Variants in CCBE1 observed in about 807,000 individuals in gnomAD.
CCBE1 encodes the protein collagen and calcium-binding EGF domain-containing protein 1.
A neutral mutation model predicts 50.0 loss-of-function variants in CCBE1; 37 were observed. The observed-to-expected ratio is 0.74, with a 90% CI of 0.57 to 0.97. CCBE1 has a LOEUF of 0.97. Ranked by LOEUF, CCBE1 falls within the 50% of genes least tolerant of loss-of-function variation. The pLI is 0.00. For missense variants in CCBE1, 538 were observed against 523.8 expected (o/e 1.03, Z -0.26); for synonymous variants, 234 against 203.7 (o/e 1.15, Z -1.27).
At chr18:59,680,423 A>C (rs1326952719) in intron 2 of CCBE1, among the ~76,000 whole-genome samples, 1 of 151,804 alleles carries the variant, frequency 6.6e-6, no homozygotes, top group Non-Finnish European at 1.5e-5. Context: ...CCTAAAGGCC[A>C]GGCGCGGTGG....
At chr18:59,469,451 A>G in intron 4 of CCBE1, 22 bp downstream of exon 4, 2 of 1,614,146 alleles carry the variant, frequency 1.2e-6, no homozygotes, top group South Asian at 1.1e-5. Context: ...AGAAGCTGGA[A>G]ACAAGCACAT....
chr18:59,687,219 C>A (rs1209843399), intron 2 of CCBE1, among the ~76,000 whole-genome samples: 1 of 152,160 alleles, frequency 6.6e-6, no homozygotes, highest in Non-Finnish European at 1.5e-5. Flanking sequence ...AGATGCCCTC[C>A]AATCTTCGAG....
chr18:59,481,013 G>T (rs1912545455), intron 2 of CCBE1, among the ~76,000 whole-genome samples: 1 of 152,100 alleles, frequency 6.6e-6, no homozygotes, highest in Admixed American at 6.5e-5. Context: ...AATCAATGCT[G>T]CAATCTCCAA....
chr18:59,523,743 A>G (rs1188760981), intron 2 of CCBE1, among the ~76,000 whole-genome samples: 21 of 152,304 alleles, frequency 1.4e-4, no homozygotes, highest in Admixed American at 1.3e-3. Flanking sequence ...AAGCTAAAAG[A>G]AGTGAAGCAT....
chr18:59,677,499 C>T (rs547819159), intron 2 of CCBE1, among the ~76,000 whole-genome samples: 3 of 152,110 alleles, frequency 2.0e-5, no homozygotes, highest in African/African-American at 7.2e-5. Context: ...TCAAAAGATA[C>T]ATTTCCCAAG....
chr18:59,451,433 TAAAAAAAAAAA>T (rs34421089), intron 6 of CCBE1, among the ~76,000 whole-genome samples: 1 of 99,368 alleles, frequency 1.0e-5, no homozygotes, highest in African/African-American at 4.1e-5. Flanking sequence ...ACAAGCAACT[TAAAAAAAAAAA>T]AAAAAAAAAA....
intron 2 of CCBE1, among the ~76,000 whole-genome samples, chr18:59,550,773 A>T (rs1370583421): frequency 6.6e-6 from 1 of 152,152 alleles, no homozygotes; most frequent in Non-Finnish European, 1.5e-5. Flanking sequence ...TCACGCCTGT[A>T]ATCCCAGCAC....
At chr18:59,476,449 G>A (rs911744998) in intron 3 of CCBE1, among the ~76,000 whole-genome samples, 3 of 152,134 alleles carry the variant, frequency 2.0e-5, no homozygotes, top group African/African-American at 7.2e-5. Flanking sequence ...CTTCTAGCAG[G>A]GGTCAGCAAA....
intron 2 of CCBE1, among the ~76,000 whole-genome samples, chr18:59,647,537 T>C (rs1434920640): frequency 6.6e-6 from 1 of 152,240 alleles, no homozygotes; most frequent in Non-Finnish European, 1.5e-5. Flanking sequence ...CTGCAAGGCT[T>C]ATTCCTAACA....
At chr18:59,540,751 A>C (rs1207560200) in intron 2 of CCBE1, among the ~76,000 whole-genome samples, 1 of 152,170 alleles carries the variant, frequency 6.6e-6, no homozygotes, top group Non-Finnish European at 1.5e-5. Flanking sequence ...TTTCCATATC[A>C]TTTACCTCCT....
Position 59,636,075 on chromosome 18 carries a change from C to T in CCBE1, c.212+60554G>A, listed in dbSNP as rs554008217. ...GGCTGAGGGAGGAGAATCGTTTGAG[C>T]CCAGGAGGTTGAGGCTTCAGTGAGC... is the stretch of plus-strand genomic sequence containing the variant. On this transcript the variant is annotated intron_variant, in intron 2 of 10. Transcript: ENST00000439986. Among the ~76,000 whole-genome samples, 6 of 152,150 alleles carry T rather than the reference C, an allele frequency of 3.9e-5. No homozygotes were observed. The East Asian group carries it at 7.7e-4, about 20-fold the overall frequency.
intron 6 of CCBE1, among the ~76,000 whole-genome samples, chr18:59,448,976 G>T (rs1323316978): frequency 6.6e-6 from 1 of 152,176 alleles, no homozygotes; most frequent in African/African-American, 2.4e-5. Flanking sequence ...GGAAAGGAGT[G>T]AACCTCTTCC....
intron 2 of CCBE1, among the ~76,000 whole-genome samples, chr18:59,587,148 T>C (rs1286359045): frequency 6.6e-6 from 1 of 152,368 alleles, no homozygotes; most frequent in Non-Finnish European, 1.5e-5. Context: ...GAAACTCTTT[T>C]GGAAAATTAA....
chr18:59,666,498 A>C (rs1400131024), intron 2 of CCBE1, among the ~76,000 whole-genome samples: 1 of 152,166 alleles, frequency 6.6e-6, no homozygotes, highest in African/African-American at 2.4e-5. Context: ...CAGCAACTGC[A>C]ATCACCCAGG....
chr18:59,522,321 G>A (rs973247434), intron 2 of CCBE1, among the ~76,000 whole-genome samples: 5 of 152,078 alleles, frequency 3.3e-5, no homozygotes, highest in Non-Finnish European at 7.4e-5. Flanking sequence ...TTTACCATCG[G>A]CTAATTGACA....
intron 2 of CCBE1, chr18:59,686,010 A>T (rs1234381279): frequency 6.6e-6 from 1 of 152,214 alleles, no homozygotes; most frequent in Non-Finnish European, 1.5e-5. Context: ...CTCTGCAGAA[A>T]TGAAAGTTAC....
intron 2 of CCBE1, among the ~76,000 whole-genome samples, chr18:59,542,795 C>T (rs1264914002): frequency 6.6e-6 from 1 of 152,136 alleles, no homozygotes; most frequent in African/African-American, 2.4e-5. Context: ...GTTACTCTCC[C>T]CTTCTGGTGC....
intron 5 of CCBE1, chr18:59,465,065 C>T (rs891199474): frequency 6.6e-6 from 1 of 152,218 alleles, no homozygotes; most frequent in Non-Finnish European, 1.5e-5. Context: ...GTGGCACCAG[C>T]CTCAGGCCCT....
chr18:59,590,498 T>C (rs2053248152), intron 2 of CCBE1, among the ~76,000 whole-genome samples: 1 of 152,220 alleles, frequency 6.6e-6, no homozygotes, highest in Non-Finnish European at 1.5e-5. Context: ...ATTTTTGTTT[T>C]TTTATGGAGC....
Sources: allele counts gnomAD v4.1 joint callset (sites outside exome capture counted in the v4.1 genomes callset), GRCh38; gene constraint gnomAD v4.1.1; transcripts MANE v1.5; gene names NCBI Gene and HGNC (gene_info 2026-07-23, HGNC 2026-07-21).